TBL1X: variants seen among roughly 807,000 people sequenced by gnomAD.
TBL1X encodes transducin beta like 1 X-linked.
A neutral mutation model predicts 50.7 loss-of-function variants in TBL1X; 10 were observed. The observed-to-expected ratio is 0.20, with a 90% CI of 0.12 to 0.33. TBL1X has a LOEUF of 0.33. Among genes scored for constraint, TBL1X ranks in the 10% least tolerant of loss-of-function variants. TBL1X has a pLI of 1.00. For synonymous variants in TBL1X, 190 were observed against 214.7 expected (o/e 0.88, Z 1.01); for missense variants, 340 against 504.4 (o/e 0.67, Z 3.12).
chrX:9,474,543 A>G (rs1255150838), intron 1 of TBL1X, among the ~76,000 whole-genome samples: 1 of 113,416 alleles, frequency 8.8e-6, no homozygotes, highest in Non-Finnish European at 1.9e-5. Flanking sequence ...AACCATGCAC[A>G]TACTGGATCT....
At chrX:9,579,855 T>A (rs2082431055) in intron 2 of TBL1X, among the ~76,000 whole-genome samples, 1 of 110,893 alleles carries the variant, frequency 9.0e-6, no homozygotes, top group African/African-American at 3.3e-5. Context: ...TGATAGAATG[T>A]CCAAGAAAGG....
chrX:9,501,334 CAT>C (rs1375396761), intron 1 of TBL1X, among the ~76,000 whole-genome samples: 3 of 112,137 alleles, frequency 2.7e-5, no homozygotes, highest in Non-Finnish European at 5.6e-5. Flanking sequence ...GTGTGCAAAA[CAT>C]ACTATTGTTG....
At chrX:9,468,762 T>C (rs1175146493) in intron 1 of TBL1X, among the ~76,000 whole-genome samples, 1 of 110,739 alleles carries the variant, frequency 9.0e-6, no homozygotes, top group African/African-American at 3.3e-5. Flanking sequence ...ATTATATATA[T>C]AGGGGTCGGG....
At chrX:9,486,623 C>T (rs1340641278) in intron 1 of TBL1X, among the ~76,000 whole-genome samples, 1 of 102,259 alleles carries the variant, frequency 9.8e-6, no homozygotes, top group Non-Finnish European at 2.0e-5. Context: ...CTCAAGTCTT[C>T]CCACCTTTCT....
intron 2 of TBL1X, among the ~76,000 whole-genome samples, chrX:9,537,917 G>A (rs1038609200): frequency 8.9e-6 from 1 of 112,107 alleles, no homozygotes; most frequent in Non-Finnish European, 1.9e-5. Context: ...GCGAGTTGTC[G>A]GCTGGGGGCC....
chrX:9,585,152 A>G (rs902099843), intron 2 of TBL1X, among the ~76,000 whole-genome samples: 1 of 111,643 alleles, frequency 9.0e-6, no homozygotes, highest in Non-Finnish European at 1.9e-5. Flanking sequence ...TAGAAGAGCA[A>G]TCATGTCTCA....
intron 3 of TBL1X, among the ~76,000 whole-genome samples, chrX:9,648,105 C>T (rs1457457811): frequency 3.6e-5 from 4 of 110,548 alleles, no homozygotes; most frequent in Non-Finnish European, 7.6e-5. Context: ...GGGTCTCTGG[C>T]GCTTGGCCAA....
intron 2 of TBL1X, among the ~76,000 whole-genome samples, chrX:9,614,664 C>CA (rs1241094289): frequency 1.8e-5 from 2 of 111,866 alleles, no homozygotes; most frequent in Non-Finnish European, 3.8e-5. Flanking sequence ...ATCCTGGCAG[C>CA]ATCCCCATGA....
chrX:9,607,767 CTTTTTTCTTT>C (rs2082590962), intron 2 of TBL1X, among the ~76,000 whole-genome samples: 1 of 111,077 alleles, frequency 9.0e-6, no homozygotes, highest in Non-Finnish European at 1.9e-5. Context: ...GATGGCTTTT[CTTTTTTCTTT>C]TTTTTTCTTT....
chrX:9,575,785 A>G (rs1720803382), intron 2 of TBL1X, among the ~76,000 whole-genome samples: 1 of 112,221 alleles, frequency 8.9e-6, no homozygotes, highest in South Asian at 3.7e-4. Flanking sequence ...TGGGTGAGGA[A>G]TGATGAAGTG....
chrX:9,711,518 G>A, intron 15 of TBL1X, 93 bp from the exon 16 acceptor site: 1 of 906,279 alleles, frequency 1.1e-6, no homozygotes, highest in Non-Finnish European at 1.4e-6. Context: ...TAAAAGCTGG[G>A]AAAAACAACT....
At chrX:9,643,309 T>C (rs896155391) in intron 3 of TBL1X, among the ~76,000 whole-genome samples, 5 of 111,286 alleles carry the variant, frequency 4.5e-5, no homozygotes, top group African/African-American at 1.6e-4. Flanking sequence ...CCCCTAAATG[T>C]CAAACGTGAG....
At chrX:9,541,977 A>G (rs1404966773) in intron 2 of TBL1X, among the ~76,000 whole-genome samples, 1 of 100,905 alleles carries the variant, frequency 9.9e-6, no homozygotes, top group South Asian at 4.5e-4. Context: ...CTGTATATTC[A>G]TAGATTGTCT....
intron 2 of TBL1X, among the ~76,000 whole-genome samples, chrX:9,621,354 A>C (rs189596696): frequency 8.9e-5 from 10 of 112,097 alleles, no homozygotes; most frequent in Non-Finnish European, 1.7e-4. Flanking sequence ...ACCTCCTTGC[A>C]TTTTCACAGG....
At chrX:9,526,921 A>C (rs952868245) in intron 2 of TBL1X, among the ~76,000 whole-genome samples, 1 of 111,100 alleles carries the variant, frequency 9.0e-6, no homozygotes, top group African/African-American at 3.3e-5. Context: ...CAAAGGGGGG[A>C]GTCAGTCCCC....
At chrX:9,658,135 G>A (rs1452419449) in intron 5 of TBL1X, among the ~76,000 whole-genome samples, 1 of 111,616 alleles carries the variant, frequency 9.0e-6, no homozygotes, top group East Asian at 2.8e-4. Context: ...TTCACCTTCT[G>A]CCATGATTGT....
At chrX:9,658,344 T>C (rs2082876557) in intron 5 of TBL1X, among the ~76,000 whole-genome samples, 1 of 111,049 alleles carries the variant, frequency 9.0e-6, no homozygotes, top group Non-Finnish European at 1.9e-5. Context: ...ATGGTGGCCA[T>C]GTGCCTTTCC....
Position 9,609,337 on chromosome X carries a change from GT to G in TBL1X, c.-130-30935del, listed in dbSNP as rs1210868788. On this transcript the variant is annotated intron_variant, in intron 2 of 17. Transcript: ENST00000645353. Reference sequence around the variant, plus strand: ...ATTTTGGTGGTGTGTTTTCTTCCAGGTGTGTGTGTGTGTGTGTGTGTGTGTG... The same window carrying G: ...ATTTTGGTGGTGTGTTTTCTTCCAGGGTGTGTGTGTGTGTGTGTGTGTGTG... 1.8e-3 allele frequency among the ~76,000 whole-genome samples: 55 copies of G among 30,204 alleles called. 1 individual carries two copies. Among genetic ancestry groups the G allele is most frequent in the East Asian group, 9.1e-3 (6 of 657 alleles). 26.2% of individuals were successfully genotyped at this position (30,204 alleles called of 115,157 possible).
intron 2 of TBL1X, among the ~76,000 whole-genome samples, chrX:9,532,593 C>T (rs753797769): frequency 3.6e-5 from 4 of 111,038 alleles, no homozygotes; most frequent in Admixed American, 9.4e-5. Flanking sequence ...CACCACGTGC[C>T]GGGCGGCTGT....
Sources: gnomAD v4.1 joint callset for allele counts (sites outside exome capture counted in the v4.1 genomes callset) on GRCh38, gnomAD v4.1.1 for gene constraint, MANE v1.5 for transcripts, NCBI Gene and HGNC (gene_info 2026-07-23, HGNC 2026-07-21) for gene names.